Variants in TMEM178B observed in about 807,000 individuals in gnomAD.
TMEM178B encodes transmembrane protein 178B.
TMEM178B carries 5 observed loss-of-function variants against 31.0 expected under a neutral mutation model. That is an observed-to-expected ratio of 0.16 (90% CI 0.08 to 0.34). The LOEUF is 0.34. TMEM178B is among the 10% of genes least tolerant of loss of function. TMEM178B has a pLI of 1.00. For missense variants in TMEM178B, 275 were observed against 400.3 expected (o/e 0.69, Z 2.67); for synonymous variants, 164 against 164.0 (o/e 1.00, Z 0.00).
intron 2 of TMEM178B, among the ~76,000 whole-genome samples, chr7:141,380,075 T>G (rs1477494619): frequency 6.6e-6 from 1 of 152,208 alleles, no homozygotes; most frequent in Admixed American, 6.5e-5. Flanking sequence ...AATATAAATC[T>G]AAAAACAAAT....
rs1472455927 is a variant in TMEM178B at position 141,475,931 on chromosome 7, C to T, written c.*5145C>T. ...CTCTGCACTGAAATGATTTGTGACT[C>T]TGGGCACTGTGTCTTCTCCATACTT... On this transcript the variant is annotated 3_prime_UTR_variant, in exon 4 of 4. Transcript: ENST00000565468. 6.6e-6 allele frequency: 1 copy of T among 152,128 alleles called. No homozygotes were observed. 9.4% of individuals were successfully genotyped at this position (152,128 alleles called of 1,614,324 possible).
intron 2 of TMEM178B, among the ~76,000 whole-genome samples, chr7:141,425,677 T>C (rs1801300984): frequency 6.6e-6 from 1 of 152,218 alleles, no homozygotes. Context: ...TACCCCCTTC[T>C]TTCTTCCCTC....
intron 1 of TMEM178B, among the ~76,000 whole-genome samples, chr7:141,142,197 G>C (rs1795781856): frequency 6.9e-6 from 1 of 144,738 alleles, no homozygotes; most frequent in Non-Finnish European, 1.5e-5. Flanking sequence ...ATGGCCCCCA[G>C]CTGTATCCAT....
At chr7:141,152,106 G>A (rs538118019) in intron 1 of TMEM178B, among the ~76,000 whole-genome samples, 168 of 152,336 alleles carry the variant, frequency 1.1e-3, no homozygotes, top group African/African-American at 3.7e-3. Flanking sequence ...GAGGAAGCCT[G>A]TGGCAGCTGC....
rs139201821 is a variant in TMEM178B, at chr7:141,088,518, C to T, written c.382+13826C>T. ...CCTTCTCCTGGATCAGTCTCAGCCACGTCTAGGGCCATTTTCTTTTATGCT... is the reference window on the plus strand; with the variant it reads ...CCTTCTCCTGGATCAGTCTCAGCCATGTCTAGGGCCATTTTCTTTTATGCT... On this transcript the variant is annotated intron_variant, in intron 1 of 3. Coordinates refer to ENST00000565468, the MANE Select transcript of TMEM178B (RefSeq NM_001195278.2). Among the ~76,000 whole-genome samples the T allele has an allele frequency of 2.6e-3, 402 of 152,272 alleles. 3 individuals carry two copies. The highest frequency in any genetic ancestry group is 9.1e-3 in the African/African-American group (378 of 41,550).
chr7:141,359,097 A>G (rs747636933), intron 2 of TMEM178B, among the ~76,000 whole-genome samples: 5 of 152,234 alleles, frequency 3.3e-5, no homozygotes, highest in Admixed American at 6.5e-5. Context: ...ACTAGCCCCA[A>G]GAAATTCCAT....
intron 2 of TMEM178B, among the ~76,000 whole-genome samples, chr7:141,280,924 A>G (rs1798347894): frequency 6.6e-6 from 1 of 152,180 alleles, no homozygotes; most frequent in Non-Finnish European, 1.5e-5. Context: ...CAGGCAGTTA[A>G]TATTTTGAAA....
At chr7:141,274,912 G>A (rs1798241998) in intron 2 of TMEM178B, among the ~76,000 whole-genome samples, 1 of 152,172 alleles carries the variant, frequency 6.6e-6, no homozygotes, top group Non-Finnish European at 1.5e-5. Context: ...AACCAAGGGT[G>A]GATGGAACCA....
intron 1 of TMEM178B, among the ~76,000 whole-genome samples, chr7:141,136,107 A>G (rs2129178384): frequency 6.6e-6 from 1 of 152,328 alleles, no homozygotes; most frequent in South Asian, 2.1e-4. Context: ...TGGAGGCTTC[A>G]TAGTACCTGT....
At chr7:141,302,569 A>G (rs1798747373) in intron 2 of TMEM178B, among the ~76,000 whole-genome samples, 1 of 152,200 alleles carries the variant, frequency 6.6e-6, no homozygotes, top group South Asian at 2.1e-4. Flanking sequence ...CTGGAGATGG[A>G]TGGTAGTGAT....
intron 1 of TMEM178B, among the ~76,000 whole-genome samples, chr7:141,123,685 C>T (rs1417349491): frequency 6.6e-6 from 1 of 152,112 alleles, no homozygotes; most frequent in Non-Finnish European, 1.5e-5. Flanking sequence ...CTCTGAGGCT[C>T]TTGGCTGATA....
intron 1 of TMEM178B, among the ~76,000 whole-genome samples, chr7:141,087,104 T>A (rs1052053160): frequency 4.6e-5 from 7 of 152,176 alleles, no homozygotes; most frequent in African/African-American, 1.7e-4. Flanking sequence ...AGGTAAAATT[T>A]TATTCAGATT....
At chr7:141,126,718 A>G (rs561622025) in intron 1 of TMEM178B, among the ~76,000 whole-genome samples, 1 of 152,300 alleles carries the variant, frequency 6.6e-6, no homozygotes, top group South Asian at 2.1e-4. Flanking sequence ...TGTCTTGTTT[A>G]TATCCGTGGG....
intron 2 of TMEM178B, among the ~76,000 whole-genome samples, chr7:141,241,590 CAAAA>C (rs766018973): frequency 9.2e-5 from 7 of 75,968 alleles, no homozygotes; most frequent in African/African-American, 1.7e-4. Context: ...GACTTCGTCT[CAAAA>C]AAAAAAAAAA....
chr7:141,214,617 G>A (rs546521842), intron 2 of TMEM178B, among the ~76,000 whole-genome samples: 47 of 152,288 alleles, frequency 3.1e-4, no homozygotes, highest in Admixed American at 2.0e-4. Flanking sequence ...TAGATACCTG[G>A]AATTCAAAGA....
intron 2 of TMEM178B, among the ~76,000 whole-genome samples, chr7:141,340,589 G>A (rs1005851527): frequency 6.6e-6 from 1 of 152,338 alleles, no homozygotes; most frequent in East Asian, 1.9e-4. Flanking sequence ...AGAGGAATCC[G>A]ATTGTGGCCA....
intron 2 of TMEM178B, among the ~76,000 whole-genome samples, chr7:141,331,353 G>A (rs7811326): frequency 0.094 from 14,295 of 152,194 alleles, 1,447 homozygotes; most frequent in African/African-American, 0.26. Context: ...AAAGTAGATG[G>A]AAAATCTGTG....
At chr7:141,429,140 A>G (rs901457987) in intron 2 of TMEM178B, among the ~76,000 whole-genome samples, 1 of 152,256 alleles carries the variant, frequency 6.6e-6, no homozygotes. Flanking sequence ...TAGAACTGCC[A>G]TACAATCCAG....
intron 2 of TMEM178B, among the ~76,000 whole-genome samples, chr7:141,214,217 T>C (rs569062046): frequency 3.9e-5 from 6 of 152,346 alleles, no homozygotes; most frequent in African/African-American, 1.4e-4. Flanking sequence ...ATAAGTCCTG[T>C]GGATTAACCA....
Sources: gnomAD v4.1 joint callset for allele counts (sites outside exome capture counted in the v4.1 genomes callset) on GRCh38, gnomAD v4.1.1 for gene constraint, MANE v1.5 for transcripts, NCBI Gene and HGNC (gene_info 2026-07-23, HGNC 2026-07-21) for gene names.